TRMT44: variants seen among roughly 807,000 people sequenced by gnomAD.
TRMT44 encodes the protein tRNA methyltransferase 44 homolog.
In TRMT44, 78 loss-of-function variants were observed where a neutral mutation model predicts 77.3. The ratio of observed to expected loss-of-function variants is 1.01; its 90% CI spans 0.84 to 1.22. TRMT44 has a LOEUF of 1.22. Among genes scored for constraint, TRMT44 ranks in the 50% most tolerant of loss-of-function variants. The pLI is 0.00. For missense variants in TRMT44, 1,090 were observed against 964.4 expected, an observed-to-expected ratio of 1.13 and a Z score of -1.73; for synonymous variants, 391 against 383.3, an observed-to-expected ratio of 1.02 and a Z score of -0.23.
At chr4:8,458,787 A>G (rs1037022028) in intron 6 of TRMT44, among the ~76,000 whole-genome samples, 3 of 151,964 alleles carry the variant, frequency 2.0e-5, no homozygotes, top group Admixed American at 2.0e-4. Context: ...CTCTAGCTTT[A>G]TTTTAAGGAT....
intron 8 of TRMT44, 90 bp from the exon 9 acceptor site, chr4:8,467,824 T>G: frequency 8.8e-6 from 12 of 1,370,454 alleles, no homozygotes; most frequent in Non-Finnish European, 1.2e-5. Flanking sequence ...TGAAAACTTG[T>G]GATTTGTACT....
chr4:8,474,953 C>T (rs528602744), intron 10 of TRMT44, among the ~76,000 whole-genome samples: 1 of 152,194 alleles, frequency 6.6e-6, no homozygotes, highest in Admixed American at 6.5e-5. Context: ...CTCCAGCTCC[C>T]CAGTTTGGAG....
At chr4:8,466,937 G>T (rs1726599056) in intron 8 of TRMT44, among the ~76,000 whole-genome samples, 1 of 152,214 alleles carries the variant, frequency 6.6e-6, no homozygotes, top group South Asian at 2.1e-4. Flanking sequence ...GCAGAGGTGT[G>T]GCTGTCACGT....
chr4:8,457,565 G>A (rs1725883627), intron 6 of TRMT44, among the ~76,000 whole-genome samples: 1 of 152,158 alleles, frequency 6.6e-6, no homozygotes, highest in Non-Finnish European at 1.5e-5. Context: ...ATTATGCACA[G>A]TATTCAATGG....
chr4:8,507,936 C>T, the TRMT44 span, among the ~76,000 whole-genome samples: 15 of 152,134 alleles, frequency 9.9e-5, no homozygotes, highest in South Asian at 8.3e-4. Context: ...AATGGAGTTT[C>T]GCTTTTGTTG....
At chr4:8,468,817 G>C (rs1485457517) in intron 9 of TRMT44, among the ~76,000 whole-genome samples, 4 of 152,202 alleles carry the variant, frequency 2.6e-5, no homozygotes, top group Admixed American at 2.6e-4. Context: ...CATGGGGTGA[G>C]TGGTGTGCTG....
the TRMT44 span, among the ~76,000 whole-genome samples, chr4:8,504,570 G>A: frequency 6.6e-6 from 1 of 152,122 alleles, no homozygotes; most frequent in Non-Finnish European, 1.5e-5. This position sits in a 1 kb window ranked among gnomAD's most constrained non-coding sequence, Gnocchi z 5.3. Context: ...CACAGGTCCT[G>A]CCAATCCTTG....
At chr4:8,454,932 C>G (rs967627735) in intron 6 of TRMT44, 119 bp downstream of exon 6, 2 of 888,138 alleles carry the variant, frequency 2.3e-6, no homozygotes, top group Non-Finnish European at 3.6e-6. Flanking sequence ...TAAACCTTCA[C>G]ATTAATCTAA....
intron 2 of TRMT44, among the ~76,000 whole-genome samples, chr4:8,486,857 G>T (rs1727823695): frequency 6.6e-6 from 1 of 152,170 alleles, no homozygotes; most frequent in African/African-American, 2.4e-5. Context: ...TGGAGGAGTG[G>T]AGGCTGAGGA....
chr4:8,462,459 C>T (rs983793449), intron 6 of TRMT44, among the ~76,000 whole-genome samples: 1 of 152,088 alleles, frequency 6.6e-6, no homozygotes, highest in Non-Finnish European at 1.5e-5. Context: ...GTAATCCCAG[C>T]ACTTTGGGAG....
chr4:8,482,434 C>A (rs1727652977), intron 2 of TRMT44: 2 of 152,414 alleles, frequency 1.3e-5, no homozygotes. Context: ...ACCAAACAGG[C>A]TTTGTGTGAG....
Position 8,475,814 on chromosome 4 carries a change from C to T in TRMT44, c.2087C>T (p.Thr696Ile). 1.2e-6 allele frequency: 2 copies of T among 1,614,132 alleles called. No homozygotes were observed. Among genetic ancestry groups the T allele is most frequent in the East Asian group, 2.2e-5 (1 of 44,874 alleles). The change falls in exon 11 of 11, where the codon ACA becomes ATA. Residue 696 changes from threonine to isoleucine, a missense_variant. By Grantham distance (89) the Thr-to-Ile change is moderately conservative. Coordinates refer to ENST00000389737, the MANE Select transcript of TRMT44 (RefSeq NM_152544.3). ...RVHIRDWREETLWKTKQPEAK... is the reference protein window; with the variant it reads ...RVHIRDWREEILWKTKQPEAK... ...CACATCCGCGACTGGCGAGAGGAGA[C>T]ACTGTGGAAGACAAAGCAACCGGAA... is the stretch of plus-strand genomic sequence containing the variant.
intron 6 of TRMT44, 57 bp from the exon 7 acceptor site, chr4:8,463,928 C>T (rs1009885308): frequency 8.9e-6 from 13 of 1,456,194 alleles, no homozygotes; most frequent in South Asian, 8.3e-5. Context: ...GTCCTGCCCA[C>T]GCAGTAGCTC....
At position 8,465,540 on chromosome 4, in the gene TRMT44, C is replaced by A. The variant is rs1726481326; in HGVS notation, c.1473C>A (p.Leu491=). 2 of 1,612,940 alleles carry A rather than the reference C, an allele frequency of 1.2e-6. No homozygotes were observed. Among genetic ancestry groups the A allele is most frequent in the African/African-American group, 2.7e-5 (2 of 74,814 alleles). ...GGTTTCACGTGGACGAAGACTGCCT[C>A]AGGATTCCTTCAACCAAAAGAGTAT... ...TCGFHVDEDC[L]RIPSTKRVCL... is the part of the protein sequence containing the mutation. The change falls in exon 8 of 11, where the codon CTC becomes CTA. Residue 491 remains leucine (L), a synonymous_variant. Transcript: ENST00000389737.
Position 8,475,885 on chromosome 4 carries a change from T to C in TRMT44, c.2158T>C (p.Trp720Arg). 3.7e-6 allele frequency: 6 copies of C among 1,614,248 alleles called. No homozygotes were observed. The highest frequency in any genetic ancestry group is 5.1e-6 in the Non-Finnish European group (6 of 1,180,050). Residue 720 changes from tryptophan (W) to arginine (R), a missense_variant, in exon 11 of 11, where the codon TGG becomes CGG. Trp to Arg is a moderately radical substitution (Grantham distance 101). Transcript: ENST00000389737. Reference protein sequence around the residue: ...LSEACKTRLCWFFMHHPDGCA... With the variant: ...LSEACKTRLCRFFMHHPDGCA... ...TGAAGCCTGCAAAACCCGCCTCTGC[T>C]GGTTCTTCATGCATCACCCTGATGG...
chr4:8,479,535 T>G (rs764918029), downstream of TRMT44: 9 of 151,116 alleles, frequency 6.0e-5, no homozygotes, highest in Non-Finnish European at 1.2e-4. Context: ...AACGCAATGG[T>G]AAGTGTCTGT....
chr4:8,468,606 T>C (rs549587363), intron 9 of TRMT44: 1 of 594,288 alleles, frequency 1.7e-6, no homozygotes, highest in South Asian at 2.1e-5. Flanking sequence ...AACATGCAGG[T>C]TTAGGGGCTA....
chr4:8,475,322 T>G (rs192032187), intron 10 of TRMT44, among the ~76,000 whole-genome samples: 194 of 152,310 alleles, frequency 1.3e-3, no homozygotes, highest in Middle Eastern at 3.4e-3. Context: ...ACTCAAGTGA[T>G]CCTTCTAAAA....
At chr4:8,509,570 G>A in the TRMT44 span, 15 of 152,972 alleles carry the variant, frequency 9.8e-5, no homozygotes, top group African/African-American at 2.9e-4. Context: ...CCCTGAAGGG[G>A]CCTGGTCAGG....
Sources: allele counts gnomAD v4.1 joint callset (sites outside exome capture counted in the v4.1 genomes callset), GRCh38; gene constraint gnomAD v4.1.1; non-coding constraint Gnocchi (gnomAD v3.1); transcripts MANE v1.5; gene names NCBI Gene and HGNC (gene_info 2026-07-23, HGNC 2026-07-21).